STRN: variants seen among roughly 807,000 people sequenced by gnomAD.
STRN encodes the protein protein phosphatase 2 regulatory subunit B'''alpha.
Under a neutral mutation model 96.3 loss-of-function variants are expected in STRN, and 53 were observed. The observed-to-expected ratio is 0.55, with a 90% CI of 0.44 to 0.69. STRN has a LOEUF of 0.69. Ranked by LOEUF, STRN falls within the 30% of genes least tolerant of loss-of-function variation. STRN has a pLI of 0.00. For synonymous variants in STRN, 428 were observed against 355.9 expected (o/e 1.20, Z -2.28); for missense variants, 987 against 963.9 (o/e 1.02, Z -0.32).
chr2:36,876,180 G>C (rs1318240746), intron 10 of STRN, among the ~76,000 whole-genome samples: 1 of 151,936 alleles, frequency 6.6e-6, no homozygotes, highest in Non-Finnish European at 1.5e-5. Context: ...TGAGATGGGA[G>C]GATCATTTGA....
chr2:36,946,292 A>G (rs1670982978), intron 1 of STRN, among the ~76,000 whole-genome samples: 1 of 152,202 alleles, frequency 6.6e-6, no homozygotes, highest in Admixed American at 6.5e-5. Context: ...AAAGAGAGAA[A>G]TAATAAAGTA....
intron 9 of STRN, among the ~76,000 whole-genome samples, chr2:36,882,350 C>G (rs1188461660): frequency 6.6e-6 from 1 of 152,000 alleles, no homozygotes; most frequent in Non-Finnish European, 1.5e-5. Context: ...ACTTTTATGT[C>G]ATGCTGAATT....
intron 10 of STRN, among the ~76,000 whole-genome samples, chr2:36,877,662 AG>A (rs1399877418): frequency 2.8e-5 from 4 of 141,828 alleles, no homozygotes; most frequent in African/African-American, 1.3e-4. Context: ...TAGCCCCCCT[AG>A]TAGCTGGGAT....
intron 1 of STRN, among the ~76,000 whole-genome samples, chr2:36,950,307 T>C (rs1433101595): frequency 2.7e-5 from 4 of 145,710 alleles, no homozygotes; most frequent in African/African-American, 1.0e-4. Flanking sequence ...CCTCCGTCTC[T>C]CAAGTTCAAG....
intron 11 of STRN, among the ~76,000 whole-genome samples, chr2:36,868,390 T>A (rs1170425075): frequency 1.3e-5 from 2 of 152,226 alleles, no homozygotes; most frequent in Admixed American, 6.5e-5. Flanking sequence ...CCAATAAGGA[T>A]AATATGTCTA....
rs116059451 is a variant in STRN at position 36,955,921 on chromosome 2, G to C, written c.234+10309C>G. Among the ~76,000 whole-genome samples the C allele has an allele frequency of 1.8e-3, 280 of 152,252 alleles. 2 individuals are homozygous for C. Among genetic ancestry groups the C allele is most frequent in the African/African-American group, 6.6e-3 (273 of 41,558 alleles). ...TATACCCTATACACACAGTTTAAAC[G>C]TAATTTTACTTTTCCCTATGGGATA... On this transcript the variant is annotated intron_variant, in intron 1 of 17. Transcript: ENST00000263918.
At chr2:36,957,519 C>G (rs979278721) in intron 1 of STRN, among the ~76,000 whole-genome samples, 1 of 151,998 alleles carries the variant, frequency 6.6e-6, no homozygotes, top group African/African-American at 2.4e-5. Flanking sequence ...ACCTGGAAGG[C>G]AGAGGTTGCA....
chr2:36,910,132 C>T (rs1191623976), intron 3 of STRN, among the ~76,000 whole-genome samples: 5 of 147,154 alleles, frequency 3.4e-5, no homozygotes, highest in South Asian at 2.1e-4. Context: ...GAGATCGTGG[C>T]GTCACACTCC....
intron 6 of STRN, among the ~76,000 whole-genome samples, chr2:36,894,312 T>A (rs755130471): frequency 1.3e-5 from 2 of 152,204 alleles, no homozygotes; most frequent in Non-Finnish European, 2.9e-5. Context: ...GATATACGAT[T>A]TACAAGGTTC....
chr2:36,944,373 T>C (rs1054421984), intron 1 of STRN, among the ~76,000 whole-genome samples: 3 of 152,210 alleles, frequency 2.0e-5, no homozygotes, highest in South Asian at 2.1e-4. Context: ...TCCAAGAGTT[T>C]TCAGGATATT....
chr2:36,952,186 C>G (rs1664770377), intron 1 of STRN, among the ~76,000 whole-genome samples: 1 of 152,206 alleles, frequency 6.6e-6, no homozygotes, highest in South Asian at 2.1e-4. Context: ...CATCTATATA[C>G]TATTAACCTG....
chr2:36,924,465 A>C (rs1476098578), intron 2 of STRN, among the ~76,000 whole-genome samples: 1 of 152,104 alleles, frequency 6.6e-6, no homozygotes, highest in African/African-American at 2.4e-5. Flanking sequence ...AGGAAAAGGA[A>C]ACACTATAGA....
chr2:36,871,803 C>T (rs1196296695), intron 10 of STRN, among the ~76,000 whole-genome samples: 2 of 152,118 alleles, frequency 1.3e-5, no homozygotes, highest in African/African-American at 2.4e-5. Flanking sequence ...GCCCAAAGAA[C>T]CCTGCTAGTA....
At chr2:36,946,510 T>C (rs1670988441) in intron 1 of STRN, among the ~76,000 whole-genome samples, 1 of 152,210 alleles carries the variant, frequency 6.6e-6, no homozygotes, top group South Asian at 2.1e-4. Context: ...AGACTTGAAA[T>C]GTAAACATCC....
rs948350150 is a variant in STRN at position 36,842,630 on chromosome 2, C to T, written c.*6826G>A. ...TGACTTCCAATCTAACTGAAACTAC[C>T]ATTACCTTTAGTGAAATATCAATTA... On this transcript the variant is annotated 3_prime_UTR_variant, in exon 18 of 18. Transcript: ENST00000263918. 1.3e-5 allele frequency: 2 copies of T among 152,120 alleles called. No homozygotes were observed. The highest frequency in any genetic ancestry group is 1.3e-4 in the Admixed American group (2 of 15,260). 9.4% of individuals were successfully genotyped at this position (152,120 alleles called of 1,614,324 possible).
chr2:36,863,620 G>T (rs980645082), intron 12 of STRN, among the ~76,000 whole-genome samples: 1 of 152,122 alleles, frequency 6.6e-6, no homozygotes, highest in Non-Finnish European at 1.5e-5. Flanking sequence ...CTCCAGCTTT[G>T]TTCTTTTTGC....
intron 3 of STRN, among the ~76,000 whole-genome samples, chr2:36,907,599 C>T (rs565899469): frequency 6.6e-6 from 1 of 151,964 alleles, no homozygotes; most frequent in African/African-American, 2.4e-5. Context: ...GTTAAAAACA[C>T]ATACATTATC....
chr2:36,875,236 ACGATGGCTCATGCC>A (rs1447943224), intron 10 of STRN, among the ~76,000 whole-genome samples: 1 of 152,158 alleles, frequency 6.6e-6, no homozygotes. Flanking sequence ...CCAGCCAGGC[ACGATGGCTCATGCC>A]TGTAATCCCA....
chr2:36,881,868 G>C (rs560253746), intron 9 of STRN, among the ~76,000 whole-genome samples: 2 of 152,210 alleles, frequency 1.3e-5, no homozygotes, highest in East Asian at 3.9e-4. Flanking sequence ...TCCTTATCTA[G>C]ACCTGATTTT....
Sources: allele counts gnomAD v4.1 joint callset (sites outside exome capture counted in the v4.1 genomes callset), GRCh38; gene constraint gnomAD v4.1.1; transcripts MANE v1.5; gene names NCBI Gene and HGNC (gene_info 2026-07-23, HGNC 2026-07-21).